Variants in FYB2 observed in about 807,000 individuals in gnomAD.
FYB2 encodes the protein FYN binding protein 2.
In FYB2, 103 loss-of-function variants were observed where a neutral mutation model predicts 94.1. The ratio of observed to expected loss-of-function variants is 1.09; its 90% CI spans 0.93 to 1.29. The LOEUF (loss-of-function observed/expected upper bound fraction) is 1.29, where lower values mean the gene tolerates loss of function less well. Ranked by LOEUF, FYB2 falls within the 50% of genes most tolerant of loss-of-function variation. The pLI is 0.00. For synonymous variants in FYB2, 293 were observed against 287.9 expected, an observed-to-expected ratio of 1.02 and a Z score of -0.18; for missense variants, 896 against 841.5, an observed-to-expected ratio of 1.06 and a Z score of -0.80.
intron 10 of FYB2, 34 bp downstream of exon 10, chr1:56,744,118 A>T (rs754524113): frequency 2.5e-5 from 41 of 1,611,796 alleles, no homozygotes; most frequent in Non-Finnish European, 3.5e-5. Context: ...GTCTCATCAC[A>T]TTCATCTTGC....
intron 5 of FYB2, among the ~76,000 whole-genome samples, chr1:56,767,466 A>G (rs1333753606): frequency 6.6e-6 from 1 of 152,170 alleles, no homozygotes; most frequent in African/African-American, 2.4e-5. Flanking sequence ...ACTTCAAGAA[A>G]GACACCAGGA....
At chr1:56,788,838 C>A in intron 3 of FYB2, 135 bp downstream of exon 3, 1 of 1,275,426 alleles carries the variant, frequency 7.8e-7, no homozygotes, top group African/African-American at 1.5e-5. Flanking sequence ...GCTGCCACAG[C>A]CTCTAGATGA....
At chr1:56,813,423 G>C (rs1262750127) in intron 1 of FYB2, among the ~76,000 whole-genome samples, 2 of 152,142 alleles carry the variant, frequency 1.3e-5, no homozygotes, top group East Asian at 3.9e-4. Context: ...GCTCTCATGA[G>C]ACTTATTCAC....
intron 1 of FYB2, among the ~76,000 whole-genome samples, chr1:56,799,731 G>A (rs1238510771): frequency 6.6e-6 from 1 of 152,022 alleles, no homozygotes; most frequent in Non-Finnish European, 1.5e-5. Context: ...ATAAAGCATG[G>A]CACAGACAGT....
chr1:56,789,486 G>A (rs2100955255), intron 2 of FYB2, among the ~76,000 whole-genome samples: 1 of 152,220 alleles, frequency 6.6e-6, no homozygotes, highest in East Asian at 1.9e-4. Context: ...GATTTAGATA[G>A]CCTTAAAAAG....
intron 1 of FYB2, 38 bp from the exon 2 acceptor site, chr1:56,792,841 A>G: frequency 6.5e-7 from 1 of 1,543,854 alleles, no homozygotes; most frequent in South Asian, 1.2e-5. Context: ...AACAAAAACA[A>G]AAACAAACAA....
intron 1 of FYB2, among the ~76,000 whole-genome samples, chr1:56,793,181 C>A (rs1646314374): frequency 6.6e-6 from 1 of 152,118 alleles, no homozygotes; most frequent in African/African-American, 2.4e-5. Flanking sequence ...ATACAGAATT[C>A]AAGGTTCTTC....
intron 17 of FYB2, 155 bp from the exon 18 acceptor site, chr1:56,720,484 G>T: frequency 1.8e-6 from 1 of 557,210 alleles, no homozygotes; most frequent in Non-Finnish European, 2.8e-6. Context: ...AGGAAAGTAT[G>T]CAGTTAAAGG....
chr1:56,721,840 A>G (rs1244492862), intron 17 of FYB2, among the ~76,000 whole-genome samples: 1 of 152,112 alleles, frequency 6.6e-6, no homozygotes, highest in Non-Finnish European at 1.5e-5. Flanking sequence ...TATTCCTATT[A>G]TAGAATTTAA....
Position 56,792,508 on chromosome 1 carries a change from A to G in FYB2, c.305T>C (p.Val102Ala). The G allele has an allele frequency of 3.1e-6, 5 of 1,614,188 alleles. No individual in the cohort carries two copies. The highest frequency in any genetic ancestry group is 1.1e-5 in the South Asian group (1 of 91,086). Residue 102 changes from valine (V) to alanine (A), a missense_variant, in exon 2 of 20, where the codon GTA becomes GCA. Transcript: ENST00000343433. ...CTTCTGTGAACTTGTTGCAGAACATACAGTAGACTTTCCCAGAGGCCCTGG... is the reference window on the plus strand; with the variant it reads ...CTTCTGTGAACTTGTTGCAGAACATGCAGTAGACTTTCCCAGAGGCCCTGG... ...NSPGPLGKSTVCSATSSQKAS... is the reference protein window; with the variant it reads ...NSPGPLGKSTACSATSSQKAS...
chr1:56,737,635 T>A (rs1027082200), intron 14 of FYB2: 1 of 152,482 alleles, frequency 6.6e-6, no homozygotes. Flanking sequence ...TCTTGCATAA[T>A]GTTGAATCTG....
Position 56,792,300 on chromosome 1 carries a change from C to G in FYB2, c.513G>C (p.Gly171=). 1 of 1,613,540 alleles carries G rather than the reference C, an allele frequency of 6.2e-7. No individual in the cohort carries two copies. Among genetic ancestry groups the G allele is most frequent in the African/African-American group, 1.3e-5 (1 of 74,942 alleles). The change falls in exon 2 of 20, where the codon GGG becomes GGC. Residue 171 remains glycine, a synonymous_variant. Coordinates refer to ENST00000343433, the MANE Select transcript of FYB2 (RefSeq NM_001004303.5). ...NYGSKAIHLE[G]QKGMGLTPEE... is the part of the protein sequence containing the mutation. ...CTGGAGTAAGCCCCATGCCTTTTTGCCCTTCCAGATGGATGGCCTTACTTC... is the reference window on the plus strand; with the variant it reads ...CTGGAGTAAGCCCCATGCCTTTTTGGCCTTCCAGATGGATGGCCTTACTTC...
chr1:56,812,619 G>A (rs1351993412), intron 1 of FYB2, among the ~76,000 whole-genome samples: 2 of 152,052 alleles, frequency 1.3e-5, no homozygotes, highest in Non-Finnish European at 1.5e-5. Context: ...ATCTCCCCAG[G>A]GGCTTGTTAT....
In FYB2 at chr1:56,719,613, C is replaced by G; in HGVS notation, c.*58G>C. ...AAACTGAAACTGATGTAACGCAGGA[C>G]TAGGATCTTAGGACTAGTTCTCCTT... On this transcript the variant is annotated 3_prime_UTR_variant, in exon 20 of 20. Coordinates refer to ENST00000343433, the MANE Select transcript of FYB2 (RefSeq NM_001004303.5). The G allele has an allele frequency of 6.8e-7, 1 of 1,473,178 alleles. No homozygotes were observed. Among genetic ancestry groups the G allele is most frequent in the South Asian group, 1.3e-5 (1 of 79,492 alleles). 91.3% of individuals were successfully genotyped at this position (1,473,178 alleles called of 1,614,324 possible).
intron 6 of FYB2, among the ~76,000 whole-genome samples, chr1:56,757,489 C>T (rs2100736343): frequency 6.6e-6 from 1 of 152,102 alleles, no homozygotes; most frequent in East Asian, 1.9e-4. Flanking sequence ...ACTGTGTTTG[C>T]CTTACTTCTC....
At chr1:56,789,219 T>G in intron 2 of FYB2, 85 bp from the exon 3 acceptor site, 2 of 1,427,992 alleles carry the variant, frequency 1.4e-6, no homozygotes, top group Non-Finnish European at 1.9e-6. Context: ...TGCCTCCATC[T>G]AAGTCCCGTC....
At chr1:56,811,772 C>CAA (rs1172670134) in intron 1 of FYB2, among the ~76,000 whole-genome samples, 3 of 152,088 alleles carry the variant, frequency 2.0e-5, no homozygotes, top group Non-Finnish European at 4.4e-5. Context: ...AACAAACAAA[C>CAA]AAACAAACAA....
At chr1:56,821,673 G>T (rs1230727767), upstream of FYB2, among the ~76,000 whole-genome samples, 1 of 152,148 alleles carries the variant, frequency 6.6e-6, no homozygotes, top group Admixed American at 6.5e-5. Context: ...CTCAATGGTT[G>T]GTGGCTGTGT....
At chr1:56,757,690 C>CCTTCCTTCCTTCCTTCCT (rs1218633074) in intron 6 of FYB2, among the ~76,000 whole-genome samples, 1 of 53,854 alleles carries the variant, frequency 1.9e-5, no homozygotes, top group Non-Finnish European at 3.6e-5. Context: ...TTCCTTCCTT[C>CCTTCCTTCCTTCCTTCCT]TTTCTTTCTT....
Sources: allele counts gnomAD v4.1 joint callset (sites outside exome capture counted in the v4.1 genomes callset), GRCh38; gene constraint gnomAD v4.1.1; transcripts MANE v1.5; gene names NCBI Gene and HGNC (gene_info 2026-07-23, HGNC 2026-07-21).